FHIT: variants seen among roughly 807,000 people sequenced by gnomAD.
FHIT encodes bis(5'-adenosyl)-triphosphatase.
In FHIT, 19 loss-of-function variants were observed where a neutral mutation model predicts 17.9. The ratio of observed to expected loss-of-function variants is 1.06; its 90% confidence interval spans 0.74 to 1.56. The LOEUF (loss-of-function observed/expected upper bound fraction) is 1.56. Among genes scored for constraint, FHIT ranks in the 40% most tolerant of loss-of-function variants. The probability of loss-of-function intolerance (pLI) is 0.00; values close to 1 mark genes in which losing one functional copy is unlikely to be tolerated. For missense variants in FHIT, 248 were observed against 189.2 expected (o/e 1.31, Z -1.82); for synonymous variants, 81 against 69.7 (o/e 1.16, Z -0.81).
At chr3:60,776,642 A>C (rs907973455) in intron 4 of FHIT, among the ~76,000 whole-genome samples, 1 of 152,228 alleles carries the variant, frequency 6.6e-6, no homozygotes. Flanking sequence ...TTAACTAAGA[A>C]GGCAAACCTT....
intron 8 of FHIT, among the ~76,000 whole-genome samples, chr3:59,900,774 T>C (rs1235914037): frequency 2.0e-5 from 3 of 152,056 alleles, no homozygotes; most frequent in African/African-American, 7.2e-5. Flanking sequence ...CCACCATGCT[T>C]GGCTACTTTT....
intron 2 of FHIT, among the ~76,000 whole-genome samples, chr3:61,070,065 T>A (rs111364553): frequency 0.022 from 3,354 of 152,220 alleles, 78 homozygotes; most frequent in African/African-American, 0.061. Flanking sequence ...CTAATTTGTG[T>A]ATATTTTTAG....
At chr3:60,573,382 C>A (rs142010630) in intron 4 of FHIT, among the ~76,000 whole-genome samples, 1 of 152,284 alleles carries the variant, frequency 6.6e-6, no homozygotes, top group Admixed American at 6.5e-5. Flanking sequence ...GCTTTCCTCA[C>A]AAATGTCCCC....
chr3:60,642,417 G>C lies in FHIT; in HGVS notation c.-17-105438C>G, dbSNP rs550677854. Among the ~76,000 whole-genome samples, 15 of 152,308 alleles carry C rather than the reference G, an allele frequency of 9.8e-5. No homozygotes were observed. The South Asian group carries it at 2.9e-3, about 29-fold the overall frequency. On this transcript the variant is annotated intron_variant, in intron 4 of 9. Transcript: ENST00000492590. ...AGATCCTTAATTTAAATGGAACTGA[G>C]TATTTCTAAGCATTTCACAAGAGGC...
At chr3:59,841,158 G>C (rs1295663221) in intron 8 of FHIT, among the ~76,000 whole-genome samples, 1 of 152,080 alleles carries the variant, frequency 6.6e-6, no homozygotes, top group African/African-American at 2.4e-5. Flanking sequence ...TAAATGAAAA[G>C]GTCAGATGAT....
intron 4 of FHIT, among the ~76,000 whole-genome samples, chr3:60,625,415 G>A (rs1182766595): frequency 6.6e-6 from 1 of 152,146 alleles, no homozygotes; most frequent in African/African-American, 2.4e-5. Context: ...AGCAATGTAT[G>A]TTCAAGTTCC....
In FHIT at chr3:60,813,440, G is replaced by T. The variant is rs531992997; in HGVS notation, c.-18+8479C>A. ...CCAGCATAGGCTTAATGCCTGTTCT[G>T]GTGCATACTAATTAAATATGAACTC... is the stretch of plus-strand genomic sequence containing the variant. On this transcript the variant is annotated intron_variant, in intron 4 of 9. Transcript: ENST00000492590. Among the ~76,000 whole-genome samples the T allele has an allele frequency of 3.0e-4, 45 of 151,990 alleles. No homozygotes were observed. In the Middle Eastern group the frequency reaches 0.017, roughly 57 times the overall value.
At chr3:61,143,851 G>A (rs1384020817) in intron 2 of FHIT, among the ~76,000 whole-genome samples, 2 of 152,132 alleles carry the variant, frequency 1.3e-5, no homozygotes, top group East Asian at 1.9e-4. Flanking sequence ...GGGTGACAGA[G>A]CAAGACTCTG....
At chr3:59,899,261 C>T (rs1187817926) in intron 8 of FHIT, among the ~76,000 whole-genome samples, 1 of 152,218 alleles carries the variant, frequency 6.6e-6, no homozygotes, top group Non-Finnish European at 1.5e-5. Context: ...CTGAACTTCT[C>T]AGACACTTTT....
intron 5 of FHIT, among the ~76,000 whole-genome samples, chr3:60,031,209 A>G (rs1700985888): frequency 6.6e-6 from 1 of 152,228 alleles, no homozygotes; most frequent in African/African-American, 2.4e-5. Context: ...GAGTTGAGGG[A>G]GGTGATTTCT....
intron 2 of FHIT, among the ~76,000 whole-genome samples, chr3:61,167,639 A>G (rs2037878581): frequency 6.6e-6 from 1 of 151,424 alleles, no homozygotes; most frequent in Non-Finnish European, 1.5e-5. Context: ...AAAAAAAAAA[A>G]AAAAAAAGAA....
chr3:61,127,843 C>A (rs1217391369), intron 2 of FHIT, among the ~76,000 whole-genome samples: 3 of 151,974 alleles, frequency 2.0e-5, no homozygotes, highest in Non-Finnish European at 2.9e-5. Flanking sequence ...GCACTCCAGT[C>A]TGGGCAACAG....
chr3:59,751,232 T>TCTCTCTC (rs1700880106), intron 9 of FHIT: 164 of 176,298 alleles, frequency 9.3e-4, no homozygotes, highest in African/African-American at 3.7e-3. Flanking sequence ...ATAGATACAT[T>TCTCTCTC]TCTCTCTCTC....
At position 61,047,378 on chromosome 3, in the gene FHIT, T is replaced by A. The variant is rs141461183; in HGVS notation, c.-163-5279A>T. Among the ~76,000 whole-genome samples, 1,127 of 152,202 alleles carry A rather than the reference T, an allele frequency of 7.4e-3. 20 individuals carry two copies. Among genetic ancestry groups the A allele is most frequent in the African/African-American group, 0.025 (1,058 of 41,508 alleles). ...CCAAATCATGAGTGAACTCCCATTC[T>A]CAATTGCTTCAAAGAGAATAAAATG... On this transcript the variant is annotated intron_variant, in intron 2 of 9. Transcript: ENST00000492590.
rs182540352 is a variant in FHIT at position 60,307,473 on chromosome 3, G to A, written c.103+229387C>T. ...GGGAATATGAACTGGAAGAAGGATT[G>A]AATGCCATGCTTGAGTTTTTACCAT... On this transcript the variant is annotated intron_variant, in intron 5 of 9. Transcript: ENST00000492590. Among the ~76,000 whole-genome samples the A allele has an allele frequency of 9.1e-4, 138 of 152,272 alleles. 1 individual carries two copies. Among genetic ancestry groups the A allele is most frequent in the Non-Finnish European group, 1.6e-3 (106 of 68,010 alleles).
At chr3:61,056,169 C>T (rs1471474169) in intron 2 of FHIT, among the ~76,000 whole-genome samples, 3 of 152,172 alleles carry the variant, frequency 2.0e-5, no homozygotes, top group Admixed American at 6.5e-5. Flanking sequence ...CGCCTGTAAT[C>T]CCAGCTCTCA....
intron 1 of FHIT, among the ~76,000 whole-genome samples, chr3:61,216,739 C>T (rs1435407678): frequency 4.0e-5 from 6 of 150,558 alleles, no homozygotes; most frequent in African/African-American, 9.8e-5. Context: ...GACTTGGAAC[C>T]GACCCAAATG....
chr3:59,784,266 G>A (rs1270057947), intron 8 of FHIT, among the ~76,000 whole-genome samples: 2 of 152,020 alleles, frequency 1.3e-5, no homozygotes, highest in African/African-American at 2.4e-5. Flanking sequence ...TCTTCCTCCT[G>A]GATTCTCCCA....
chr3:59,910,965 C>A (rs1270904554), intron 8 of FHIT, among the ~76,000 whole-genome samples: 3 of 152,140 alleles, frequency 2.0e-5, no homozygotes, highest in Non-Finnish European at 4.4e-5. Flanking sequence ...TTCCAAACCA[C>A]AGAAAATAAT....
Sources: gnomAD v4.1 joint callset for allele counts (sites outside exome capture counted in the v4.1 genomes callset) on GRCh38, gnomAD v4.1.1 for gene constraint, MANE v1.5 for transcripts, NCBI Gene and HGNC (gene_info 2026-07-23, HGNC 2026-07-21) for gene names.